PATJ: variants seen among roughly 807,000 people sequenced by gnomAD.
The protein encoded by PATJ is PATJ crumbs cell polarity complex component.
Under a neutral mutation model 224.9 loss-of-function variants are expected in PATJ, and 190 were observed. That is an observed-to-expected ratio of 0.84 (90% confidence interval 0.75 to 0.95). The LOEUF is 0.95. Among genes scored for constraint, PATJ ranks in the 40% least tolerant of loss-of-function variants. The probability of loss-of-function intolerance (pLI) is 0.00; values close to 1 mark genes in which losing one functional copy is unlikely to be tolerated. For missense variants in PATJ, 2,121 were observed against 2,270.3 expected (o/e 0.93, Z 1.34); for synonymous variants, 769 against 820.3 (o/e 0.94, Z 1.07).
chr1:62,148,416 T>C, intron 42 of PATJ, 26 bp downstream of exon 42: 1 of 1,499,146 alleles, frequency 6.7e-7, no homozygotes, highest in East Asian at 2.3e-5. Flanking sequence ...GCAGAGGGCC[T>C]ATTATGCATG....
chr1:62,114,114 C>T lies in PATJ; in HGVS notation c.4523C>T (p.Thr1508Ile), dbSNP rs202201082. The stretch of plus-strand genomic sequence containing the variant: ...GAAGCCATCACAGCCCTGAGGCAGA[C>T]CCCCCAGAAGGTGCGGCTGGTGGTG... ...HEEAITALRQ[T>I]PQKVRLVVYR... Residue 1508 changes from threonine to isoleucine, a missense_variant, in exon 35 of 44, where the codon ACC (threonine) becomes ATC (isoleucine). Transcript: ENST00000642238. 345 of 1,613,866 alleles carry T rather than the reference C, an allele frequency of 2.1e-4. 1 individual carries two copies. In the Middle Eastern group the frequency reaches 2.6e-3, roughly 12 times the overall value.
At chr1:61,817,036 A>G (rs1228752673) in intron 14 of PATJ, among the ~76,000 whole-genome samples, 2 of 152,212 alleles carry the variant, frequency 1.3e-5, no homozygotes, top group African/African-American at 4.8e-5. Context: ...CTAGAAGGAT[A>G]TTACTTCCTC....
rs373709800 is a variant in PATJ, at chr1:61,827,611, A to G, written c.1980+28A>G. 1.2e-5 allele frequency: 20 copies of G among 1,600,822 alleles called. No homozygotes were observed. In the East Asian group the frequency reaches 3.1e-4, roughly 25 times the overall value. The stretch of plus-strand genomic sequence containing the variant: ...ACTAAATGAATATAGTGCATTTCCC[A>G]TAGGCATGCCCATTCATCAAAGATG... On this transcript the variant is annotated intron_variant, in intron 16 of 43. Transcript: ENST00000642238.
At chr1:61,887,237 C>T (rs1669017495) in intron 22 of PATJ, among the ~76,000 whole-genome samples, 2 of 151,944 alleles carry the variant, frequency 1.3e-5, no homozygotes, top group Admixed American at 6.6e-5. Context: ...TTGGAATCAC[C>T]TTGGATAGTT....
At position 61,974,481 on chromosome 1, in the gene PATJ, T is replaced by C. The variant is rs965941457; in HGVS notation, c.3671-15687T>C. Among the ~76,000 whole-genome samples, 6 of 147,748 alleles carry C rather than the reference T, an allele frequency of 4.1e-5. No homozygotes were observed. In the East Asian group the frequency reaches 1.2e-3, roughly 29 times the overall value. ...AAGGCTAGAGTGCAATGGCGCAATC[T>C]TGGCTCACTGCAACCTCCACCTCCC... On this transcript the variant is annotated intron_variant, in intron 27 of 43. Coordinates refer to ENST00000642238, the MANE Select transcript of PATJ (RefSeq NM_001350145.3).
chr1:62,039,572 G>A (rs1401223641), intron 30 of PATJ, among the ~76,000 whole-genome samples: 2 of 152,190 alleles, frequency 1.3e-5, no homozygotes, highest in Non-Finnish European at 2.9e-5. Context: ...GCAGTGCCTT[G>A]GAGAGAATTA....
chr1:62,029,721 G>A (rs1364797821), intron 29 of PATJ, among the ~76,000 whole-genome samples: 1 of 152,170 alleles, frequency 6.6e-6, no homozygotes, highest in Non-Finnish European at 1.5e-5. Flanking sequence ...GGAGAAGTGG[G>A]TACAGCGAGA....
intron 29 of PATJ, among the ~76,000 whole-genome samples, chr1:62,036,162 C>G (rs1470153307): frequency 6.6e-6 from 1 of 152,120 alleles, no homozygotes; most frequent in Non-Finnish European, 1.5e-5. Flanking sequence ...GAAATATGAT[C>G]AGTTTTATGT....
At chr1:61,803,858 T>C (rs1426974105) in intron 12 of PATJ, among the ~76,000 whole-genome samples, 3 of 152,228 alleles carry the variant, frequency 2.0e-5, no homozygotes, top group Non-Finnish European at 2.9e-5. Flanking sequence ...CAGATCATCA[T>C]GTTATTCATT....
At chr1:62,051,575 C>T (rs1653635836) in intron 31 of PATJ, among the ~76,000 whole-genome samples, 1 of 152,170 alleles carries the variant, frequency 6.6e-6, no homozygotes, top group African/African-American at 2.4e-5. Flanking sequence ...GATCCATCCG[C>T]CTTGGCCTCC....
chr1:62,065,303 A>G (rs1465312760), intron 31 of PATJ, among the ~76,000 whole-genome samples: 2 of 152,174 alleles, frequency 1.3e-5, no homozygotes. Context: ...GTAGGCACAC[A>G]ATTTTGACAC....
At chr1:62,114,652 C>T (rs1025780179) in intron 35 of PATJ, 5 of 167,524 alleles carry the variant, frequency 3.0e-5, no homozygotes, top group African/African-American at 9.6e-5. Flanking sequence ...CATTGCTTTT[C>T]GTGATACTGT....
At chr1:61,981,436 A>G (rs1644442082) in intron 27 of PATJ, among the ~76,000 whole-genome samples, 1 of 152,002 alleles carries the variant, frequency 6.6e-6, no homozygotes, top group African/African-American at 2.4e-5. Context: ...TTCCTCACCC[A>G]TTGCAAGGTT....
At chr1:61,806,502 C>T (rs1286832) in intron 13 of PATJ, among the ~76,000 whole-genome samples, 3 of 151,774 alleles carry the variant, frequency 2.0e-5, no homozygotes, top group Non-Finnish European at 2.9e-5. Context: ...GCCTGTAATC[C>T]CAGCTACTCG....
intron 27 of PATJ, among the ~76,000 whole-genome samples, chr1:61,986,418 T>C (rs1038691139): frequency 4.6e-5 from 7 of 152,070 alleles, no homozygotes; most frequent in African/African-American, 1.7e-4. Flanking sequence ...CTGTAATTTA[T>C]TTTTATTTAT....
At chr1:61,882,862 G>A (rs947815134) in intron 21 of PATJ, among the ~76,000 whole-genome samples, 16 of 152,154 alleles carry the variant, frequency 1.1e-4, no homozygotes, top group African/African-American at 3.6e-4. Context: ...ACCTGCGCCT[G>A]GCCAATATTC....
intron 9 of PATJ, among the ~76,000 whole-genome samples, chr1:61,794,680 T>C (rs937521290): frequency 6.6e-6 from 1 of 151,978 alleles, no homozygotes; most frequent in African/African-American, 2.4e-5. Flanking sequence ...GTTGTTGTTG[T>C]TGTTAAGACC....
At chr1:61,757,805 A>C (rs1243215144) in intron 1 of PATJ, among the ~76,000 whole-genome samples, 1 of 152,114 alleles carries the variant, frequency 6.6e-6, no homozygotes, top group Non-Finnish European at 1.5e-5. Flanking sequence ...CTGTTACTAC[A>C]TTGACTATCT....
intron 15 of PATJ, among the ~76,000 whole-genome samples, chr1:61,824,953 A>G (rs1257571318): frequency 6.6e-6 from 1 of 152,198 alleles, no homozygotes; most frequent in Non-Finnish European, 1.5e-5. Flanking sequence ...TTGAATTCTT[A>G]AATATAGATA....
Sources: gnomAD v4.1 joint callset for allele counts (sites outside exome capture counted in the v4.1 genomes callset) on GRCh38, gnomAD v4.1.1 for gene constraint, MANE v1.5 for transcripts, NCBI Gene and HGNC (gene_info 2026-07-23, HGNC 2026-07-21) for gene names.